Variants in SNAI3 observed in about 807,000 individuals in gnomAD.
The protein encoded by SNAI3 is zinc finger protein SNAI3.
SNAI3 carries 21 observed loss-of-function variants against 16.4 expected under a neutral mutation model. The ratio of observed to expected loss-of-function variants is 1.28; its 90% confidence interval spans 0.91 to 1.85. The LOEUF is 1.85. SNAI3 is among the 40% of genes most tolerant of loss of function. The pLI is 0.00. For synonymous variants in SNAI3, 202 were observed against 166.6 expected, an observed-to-expected ratio of 1.21 and a Z score of -1.64; for missense variants, 457 against 372.8, an observed-to-expected ratio of 1.23 and a Z score of -1.86.
intron 2 of SNAI3, 88 bp from the exon 3 acceptor site, chr16:88,678,717 TC>T: frequency 6.7e-7 from 1 of 1,485,864 alleles, no homozygotes; most frequent in Non-Finnish European, 8.9e-7. Flanking sequence ...GATACTCCCA[TC>T]CCTTCCCCAC....
Position 88,681,134 on chromosome 16 carries a change from G to A in SNAI3, c.657C>T (p.Ser219=), listed in dbSNP as rs977950438. ...CATGGCCCTGCAGTAACCAGGGCCT[G>A]GAGAAGGCCTTGCCACAGATCTTGC... is the stretch of plus-strand genomic sequence containing the variant. ...CTCKICGKAF[S]RPWLLQGHVR... The change falls in exon 2 of 3, where the codon TCC becomes TCT. Residue 219 remains serine (S), a synonymous_variant. Transcript: ENST00000332281. The surrounding 1 kb of genome is among the most constrained non-coding windows in gnomAD (Gnocchi z 5.4). 5.0e-6 allele frequency: 8 copies of A among 1,613,610 alleles called. No individual in the cohort carries two copies. Among genetic ancestry groups the A allele is most frequent in the Non-Finnish European group, 6.8e-6 (8 of 1,179,998 alleles).
At position 88,678,037 on chromosome 16, in the gene SNAI3, T is replaced by G; in HGVS notation, c.*411A>C. The G allele has an allele frequency of 5.5e-6, 1 of 181,140 alleles. No homozygotes were observed. The highest frequency in any genetic ancestry group is 1.2e-5 in the Non-Finnish European group (1 of 85,860). The allele number at this position is 181,140 out of a possible 1,614,324, so 11.2% of individuals were successfully genotyped here. A position where few individuals can be genotyped will look rare whatever the true frequency, so the allele number is the denominator to read the frequency against. On this transcript the variant is annotated 3_prime_UTR_variant, in exon 3 of 3. Coordinates refer to ENST00000332281, the MANE Select transcript of SNAI3 (RefSeq NM_178310.4). ...GCCACAGGGCGGTGCTCACTATAAGTCAGAACTGTTCATTTCTGCTGCAAT... is the reference window on the plus strand; with the variant it reads ...GCCACAGGGCGGTGCTCACTATAAGGCAGAACTGTTCATTTCTGCTGCAAT...
chr16:88,686,094 C>G (rs915991100), intron 1 of SNAI3: 2 of 548,006 alleles, frequency 3.6e-6, no homozygotes, highest in African/African-American at 3.8e-5. Context: ...GAAAACTTCT[C>G]CAAGTTGGGA....
chr16:88,681,240 G>A lies in SNAI3; in HGVS notation c.551C>T (p.Thr184Ile), dbSNP rs762331912. ...GTACTCCTTGTCGCAGTACTTGCAGGTGAAGACACGCCCCACCTGCAGGTG... is the reference window on the plus strand; with the variant it reads ...GTACTCCTTGTCGCAGTACTTGCAGATGAAGACACGCCCCACCTGCAGGTG... ...HCHLQVGRVFTCKYCDKEYTS... is the reference protein window; with the variant it reads ...HCHLQVGRVFICKYCDKEYTS... Residue 184 changes from threonine (T) to isoleucine (I), a missense_variant, in exon 2 of 3, where the codon ACC becomes ATC. Coordinates refer to ENST00000332281, the MANE Select transcript of SNAI3 (RefSeq NM_178310.4). The surrounding 1 kb of genome is among the most constrained non-coding windows in gnomAD (Gnocchi z 5.4). 1.2e-6 allele frequency: 2 copies of A among 1,613,584 alleles called. No individual in the cohort carries two copies. The highest frequency in any genetic ancestry group is 1.3e-5 in the African/African-American group (1 of 74,926).
Position 88,678,633 on chromosome 16 carries a change from TG to T in SNAI3, c.698-5del. 1 of 1,384,176 alleles carries T rather than the reference TG, an allele frequency of 7.2e-7. No individual in the cohort carries two copies. The allele number at this position is 1,384,176 out of a possible 1,614,324, so 85.7% of individuals were successfully genotyped here. A position where few individuals can be genotyped will look rare whatever the true frequency, so the allele number is the denominator to read the frequency against. The stretch of plus-strand genomic sequence containing the variant: ...GAGCAGGCATAGGGCTTCTCCCCTG[TG>T]GGAGGAAGGCGGCGGCCAGTGACAC... On this transcript the variant is annotated splice_polypyrimidine_tract_variant and splice_region_variant and intron_variant, in intron 2 of 2. Transcript: ENST00000332281.
At position 88,677,791 on chromosome 16, in the gene SNAI3, A is replaced by G. The variant is rs549814037; in HGVS notation, c.*657T>C. 2.9e-3 allele frequency: 433 copies of G among 151,868 alleles called. 5 individuals carry two copies. The highest frequency in any genetic ancestry group is 1.1e-3 in the Non-Finnish European group (77 of 67,956). The allele number at this position is 151,868 out of a possible 1,614,324, so 9.4% of individuals were successfully genotyped here. Reference sequence around the variant, plus strand: ...TCTGACCGGGACAAATCCCACAGGCACTCCGCCTCATCCCAACACACCCAA... The same window carrying G: ...TCTGACCGGGACAAATCCCACAGGCGCTCCGCCTCATCCCAACACACCCAA... On this transcript the variant is annotated 3_prime_UTR_variant, in exon 3 of 3. Coordinates refer to ENST00000332281, the MANE Select transcript of SNAI3 (RefSeq NM_178310.4).
At chr16:88,679,135 G>A (rs1909075002) in intron 2 of SNAI3, 1 of 979,510 alleles carries the variant, frequency 1.0e-6, no homozygotes, top group African/African-American at 1.8e-5. Flanking sequence ...GCCCCATAGA[G>A]TCCTGAGAGA....
Position 88,679,097 on chromosome 16 carries a change from G to C in SNAI3, c.698-468C>G, listed in dbSNP as rs955784618. 5 of 985,256 alleles carry C rather than the reference G, an allele frequency of 5.1e-6. No homozygotes were observed. The African/African-American group carries it at 5.2e-5, about 10-fold the overall frequency. The allele number at this position is 985,256 out of a possible 1,614,324, so 61.0% of individuals were successfully genotyped here. On this transcript the variant is annotated intron_variant, in intron 2 of 2. Coordinates refer to ENST00000332281, the MANE Select transcript of SNAI3 (RefSeq NM_178310.4). Reference sequence around the variant, plus strand: ...GCCCAACACCTGTAAAGGGAAGTGTGACTGGGAATCGTTTGTTCATTCCTG... The same window carrying C: ...GCCCAACACCTGTAAAGGGAAGTGTCACTGGGAATCGTTTGTTCATTCCTG...
intron 2 of SNAI3, 134 bp from the exon 3 acceptor site, chr16:88,678,763 G>A (rs565019553): frequency 4.8e-5 from 69 of 1,440,516 alleles, no homozygotes; most frequent in Non-Finnish European, 5.7e-5. Context: ...AGGTTGAGCT[G>A]TGTGGGGACG....
At chr16:88,680,720 T>A (rs1359934177) in intron 2 of SNAI3, among the ~76,000 whole-genome samples, 1 of 152,108 alleles carries the variant, frequency 6.6e-6, no homozygotes, top group Non-Finnish European at 1.5e-5. Flanking sequence ...TGCCTCAGCC[T>A]CCTAAGTAGC....
intron 1 of SNAI3, among the ~76,000 whole-genome samples, chr16:88,683,129 A>G (rs1446706932): frequency 1.7e-5 from 2 of 118,008 alleles, no homozygotes; most frequent in Non-Finnish European, 3.2e-5. Flanking sequence ...TCTGTCTCCC[A>G]GGCTGGAGTG....
intron 2 of SNAI3, among the ~76,000 whole-genome samples, chr16:88,679,761 C>CAAAAAAAAAAAAAAA (rs567387152): frequency 1.5e-5 from 1 of 68,404 alleles, no homozygotes; most frequent in Non-Finnish European, 2.7e-5. Context: ...GACTCTGTCT[C>CAAAAAAAAAAAAAAA]AAAAAAAAAA....
chr16:88,679,297 G>A (rs1423699070), intron 2 of SNAI3, among the ~76,000 whole-genome samples: 2 of 152,206 alleles, frequency 1.3e-5, no homozygotes, highest in East Asian at 1.9e-4. Flanking sequence ...CCTTTGGCAC[G>A]GAAAGGGGGT....
At position 88,681,477 on chromosome 16, in the gene SNAI3, A is replaced by G. The variant is rs774453964; in HGVS notation, c.314T>C (p.Leu105Pro). 3.8e-6 allele frequency: 6 copies of G among 1,583,240 alleles called. No homozygotes were observed. In the South Asian group the frequency reaches 6.8e-5, roughly 18 times the overall value. Residue 105 changes from leucine (L) to proline (P), a missense_variant, in exon 2 of 3, where the codon CTC becomes CCC. Transcript: ENST00000332281. This position sits in a 1 kb window ranked among gnomAD's most constrained non-coding sequence, Gnocchi z 5.4. ...GTTGAGGTGGTTCAGGCTGTCTTTG[A>G]GGGGTACAATGGCGGCCCGGCTGGC... is the stretch of plus-strand genomic sequence containing the variant. ...PRASRAAIVP[L>P]KDSLNHLNLP... is the part of the protein sequence containing the mutation.
At chr16:88,679,761 CAAAAAAA>C (rs567387152) in intron 2 of SNAI3, among the ~76,000 whole-genome samples, 10 of 68,448 alleles carry the variant, frequency 1.5e-4, no homozygotes, top group Non-Finnish European at 2.2e-4. Context: ...GACTCTGTCT[CAAAAAAA>C]AAAAAAAAAA....
chr16:88,683,543 T>G (rs1434041627), intron 1 of SNAI3, among the ~76,000 whole-genome samples: 1 of 146,766 alleles, frequency 6.8e-6, no homozygotes, highest in Non-Finnish European at 1.5e-5. Context: ...CATAAGCCAC[T>G]GCGCCTGGCC....
At chr16:88,679,915 T>C (rs141809986) in intron 2 of SNAI3, among the ~76,000 whole-genome samples, 2 of 151,770 alleles carry the variant, frequency 1.3e-5, no homozygotes, top group Admixed American at 6.6e-5. Flanking sequence ...CCCCCGTTTC[T>C]ACAAATAATT....
intron 1 of SNAI3, chr16:88,685,314 C>T (rs568985667): frequency 2.6e-5 from 4 of 152,404 alleles, no homozygotes; most frequent in East Asian, 3.9e-4. Flanking sequence ...CTGGCACCCC[C>T]TGGTGGCAGC....
chr16:88,681,936 C>T lies in SNAI3; in HGVS notation c.77-222G>A, dbSNP rs1909187930. Among the ~76,000 whole-genome samples the T allele has an allele frequency of 6.6e-6, 1 of 152,048 alleles. No individual in the cohort carries two copies. Among genetic ancestry groups the T allele is most frequent in the Non-Finnish European group, 1.5e-5 (1 of 68,014 alleles). Reference sequence around the variant, plus strand: ...GTGGAGTCATCTAGAACAAGAAGGCCCCGCGGTCTAGAGAGCGAATCTCAC... The same window carrying T: ...GTGGAGTCATCTAGAACAAGAAGGCTCCGCGGTCTAGAGAGCGAATCTCAC... On this transcript the variant is annotated intron_variant, in intron 1 of 2. Transcript: ENST00000332281. The surrounding 1 kb of genome is among the most constrained non-coding windows in gnomAD (Gnocchi z 5.4).
Sources: gnomAD v4.1 joint callset for allele counts (sites outside exome capture counted in the v4.1 genomes callset) on GRCh38, gnomAD v4.1.1 for gene constraint, Gnocchi (gnomAD v3.1) non-coding constraint, MANE v1.5 for transcripts, NCBI Gene and HGNC (gene_info 2026-07-23, HGNC 2026-07-21) for gene names.